Variants in HIVEP2 observed in about 807,000 individuals in gnomAD.
The protein encoded by HIVEP2 is HIVEP zinc finger 2.
A neutral mutation model predicts 180.7 loss-of-function variants in HIVEP2; 14 were observed. That is an observed-to-expected ratio of 0.08 (90% CI 0.05 to 0.12). The LOEUF is 0.12. Among genes scored for constraint, HIVEP2 ranks in the 10% least tolerant of loss-of-function variants. HIVEP2 has a pLI of 1.00. For synonymous variants in HIVEP2, 1,184 were observed against 1,136.4 expected, an observed-to-expected ratio of 1.04 and a Z score of -0.84; for missense variants, 2,579 against 3,008.5, an observed-to-expected ratio of 0.86 and a Z score of 3.34.
intron 2 of HIVEP2, among the ~76,000 whole-genome samples, chr6:142,833,876 C>G (rs551280062): frequency 1.4e-3 from 217 of 152,218 alleles, no homozygotes; most frequent in Middle Eastern, 6.8e-3. Flanking sequence ...AATACTCAAA[C>G]ATAAATACTG....
chr6:142,764,756 C>T lies in HIVEP2; in HGVS notation c.5518+43G>A, dbSNP rs765045837. On this transcript the variant is annotated intron_variant, in intron 7 of 9. Coordinates refer to ENST00000367603, the MANE Select transcript of HIVEP2 (RefSeq NM_006734.4). The stretch of plus-strand genomic sequence containing the variant: ...AAATAGCACTCAGAAATCTAAGTAG[C>T]CATAGAGAAGTATTTTTCCTCTCAA... The T allele has an allele frequency of 5.6e-6, 8 of 1,424,212 alleles. No individual in the cohort carries two copies. In the South Asian group the frequency reaches 8.4e-5, roughly 15 times the overall value. 88.2% of individuals were successfully genotyped at this position (1,424,212 alleles called of 1,614,324 possible).
At chr6:142,803,548 CTA>C (rs1213875280) in intron 2 of HIVEP2, among the ~76,000 whole-genome samples, 7 of 105,802 alleles carry the variant, frequency 6.6e-5, no homozygotes, top group Non-Finnish European at 1.1e-4. Context: ...AATACCCCAA[CTA>C]TATATATATA....
chr6:142,903,106 C>T lies in HIVEP2; in HGVS notation c.-641+41993G>A, dbSNP rs150466550. On this transcript the variant is annotated intron_variant, in intron 1 of 9. Transcript: ENST00000367603. ...ATTTCAGAATTACTGCTAAACAACA[C>T]ACCATTACCCAGGCACAGAACTTAA... Among the ~76,000 whole-genome samples the T allele has an allele frequency of 2.1e-3, 317 of 152,310 alleles. 1 individual carries two copies. Among genetic ancestry groups the T allele is most frequent in the African/African-American group, 7.2e-3 (301 of 41,562 alleles).
chr6:142,935,937 A>G (rs1778043303), intron 1 of HIVEP2, among the ~76,000 whole-genome samples: 1 of 152,040 alleles, frequency 6.6e-6, no homozygotes. Context: ...TTATAAATGC[A>G]TTTAACAATA....
intron 2 of HIVEP2, among the ~76,000 whole-genome samples, chr6:142,826,017 T>C (rs1774890575): frequency 6.6e-6 from 1 of 152,170 alleles, no homozygotes; most frequent in Non-Finnish European, 1.5e-5. Flanking sequence ...CTTCATCCAC[T>C]AGTTTGCTTC....
In HIVEP2 at chr6:142,910,403, C is replaced by A. The variant is rs561884394; in HGVS notation, c.-641+34696G>T. ...AGATCACGAGGTCAAGAGATTGAGA[C>A]CATCCTGGCCAACATGGTGAAACCC... is the stretch of plus-strand genomic sequence containing the variant. On this transcript the variant is annotated intron_variant, in intron 1 of 9. Coordinates refer to ENST00000367603, the MANE Select transcript of HIVEP2 (RefSeq NM_006734.4). Among the ~76,000 whole-genome samples the A allele has an allele frequency of 1.2e-4, 18 of 152,256 alleles. No individual in the cohort carries two copies. The South Asian group carries it at 1.5e-3, about 12-fold the overall frequency.
intron 9 of HIVEP2, among the ~76,000 whole-genome samples, chr6:142,754,236 A>T (rs1775004716): frequency 6.6e-6 from 1 of 152,072 alleles, no homozygotes; most frequent in Non-Finnish European, 1.5e-5. Context: ...TTTTTTTCAC[A>T]AGAGATAATG....
chr6:142,803,373 A>G (rs780749172), intron 2 of HIVEP2, among the ~76,000 whole-genome samples: 15 of 152,154 alleles, frequency 9.9e-5, no homozygotes, highest in Non-Finnish European at 2.2e-4. Flanking sequence ...GGTTTCACAG[A>G]TGCTGGTGAA....
chr6:142,841,914 G>T (rs1031551606), intron 1 of HIVEP2, among the ~76,000 whole-genome samples: 1 of 152,020 alleles, frequency 6.6e-6, no homozygotes, highest in Non-Finnish European at 1.5e-5. Context: ...TCCTCACAAG[G>T]TTCCCTAAAT....
Position 142,773,854 on chromosome 6 carries a change from C to A in HIVEP2, c.885G>T (p.Met295Ile), listed in dbSNP as rs748845690. Residue 295 changes from methionine to isoleucine, a missense_variant, in exon 5 of 10, where the codon ATG becomes ATT. Transcript: ENST00000367603. ...CCAGTGGGATGGGTGGACCAGGACT[C>A]ATTTTGTCAGAAGCCTCGGCAAATA... ...SSLFAEASDK[M>I]SPGPPIPLDI... 7 of 1,613,468 alleles carry A rather than the reference C, an allele frequency of 4.3e-6. No individual in the cohort carries two copies. The African/African-American group carries it at 9.3e-5, about 22-fold the overall frequency.
Position 142,852,395 on chromosome 6 carries a change from T to C in HIVEP2, c.-640-15348A>G, listed in dbSNP as rs35731043. 5.2e-3 allele frequency among the ~76,000 whole-genome samples: 785 copies of C among 152,300 alleles called. 4 individuals are homozygous for C. The highest frequency in any genetic ancestry group is 0.017 in the Middle Eastern group (5 of 294). On this transcript the variant is annotated intron_variant, in intron 1 of 9. Transcript: ENST00000367603. ...ATTGTGCATTCCCATAAGCCATGAT[T>C]CTTGTCTTCATGGAGCTCAGGGGCT...
At chr6:142,762,587 C>T (rs1434939463) in intron 7 of HIVEP2, among the ~76,000 whole-genome samples, 1 of 151,846 alleles carries the variant, frequency 6.6e-6, no homozygotes, top group African/African-American at 2.4e-5. Context: ...GTGAAAATAG[C>T]CATAATGTTA....
At chr6:142,888,198 C>CTGTTT (rs911894015) in intron 1 of HIVEP2, among the ~76,000 whole-genome samples, 10 of 152,000 alleles carry the variant, frequency 6.6e-5, no homozygotes, top group Non-Finnish European at 8.8e-5. Flanking sequence ...TGATGGGATT[C>CTGTTT]TGTTTTGTTT....
At chr6:142,941,732 A>G (rs553878573) in intron 1 of HIVEP2, among the ~76,000 whole-genome samples, 2 of 152,328 alleles carry the variant, frequency 1.3e-5, no homozygotes, top group African/African-American at 4.8e-5. Flanking sequence ...CCTTTTTATA[A>G]TATCACTTTA....
intron 1 of HIVEP2, among the ~76,000 whole-genome samples, chr6:142,876,018 G>A (rs1042626256): frequency 1.3e-5 from 2 of 152,164 alleles, no homozygotes; most frequent in Non-Finnish European, 2.9e-5. Context: ...CCCTAAGGGA[G>A]TCCAACACTT....
At chr6:142,901,531 G>GT (rs1194020563) in intron 1 of HIVEP2, among the ~76,000 whole-genome samples, 1 of 152,124 alleles carries the variant, frequency 6.6e-6, no homozygotes, top group Non-Finnish European at 1.5e-5. Flanking sequence ...GAAAAACAAA[G>GT]TAATTTCCTA....
intron 2 of HIVEP2, among the ~76,000 whole-genome samples, chr6:142,783,838 T>C (rs1456671664): frequency 6.6e-6 from 1 of 152,186 alleles, no homozygotes; most frequent in Non-Finnish European, 1.5e-5. Flanking sequence ...GGGAATTCCC[T>C]GTAACAGTGA....
intron 2 of HIVEP2, among the ~76,000 whole-genome samples, chr6:142,801,946 A>G (rs185352171): frequency 6.6e-6 from 1 of 152,306 alleles, no homozygotes; most frequent in African/African-American, 2.4e-5. Flanking sequence ...AAAACACAAG[A>G]TAGACATCTA....
intron 1 of HIVEP2, among the ~76,000 whole-genome samples, chr6:142,850,220 C>T (rs1775613634): frequency 6.6e-6 from 1 of 152,006 alleles, no homozygotes; most frequent in Non-Finnish European, 1.5e-5. Context: ...GTTGAGAGAC[C>T]TTTAACAGCT....
Sources: gnomAD v4.1 joint callset for allele counts (sites outside exome capture counted in the v4.1 genomes callset) on GRCh38, gnomAD v4.1.1 for gene constraint, MANE v1.5 for transcripts, NCBI Gene and HGNC (gene_info 2026-07-23, HGNC 2026-07-21) for gene names.